Variants in KCNIP4 observed in about 807,000 individuals in gnomAD.
The protein encoded by KCNIP4 is Kv channel-interacting protein 4.
Under a neutral mutation model 34.0 loss-of-function variants are expected in KCNIP4, and 12 were observed. The observed-to-expected ratio is 0.35, with a 90% CI of 0.23 to 0.57. KCNIP4 has a LOEUF of 0.57. Among genes scored for constraint, KCNIP4 ranks in the 20% least tolerant of loss-of-function variants. The pLI is 0.83. For synonymous variants in KCNIP4, 124 were observed against 102.2 expected, an observed-to-expected ratio of 1.21 and a Z score of -1.29; for missense variants, 238 against 311.7, an observed-to-expected ratio of 0.76 and a Z score of 1.78.
chr4:20,800,574 G>A (rs965526702), intron 3 of KCNIP4, among the ~76,000 whole-genome samples: 6 of 152,098 alleles, frequency 3.9e-5, no homozygotes, highest in Non-Finnish European at 7.4e-5. Flanking sequence ...ATTCAACAGA[G>A]AGATATAATA....
chr4:21,178,815 CTTT>C (rs10611485), intron 1 of KCNIP4, among the ~76,000 whole-genome samples: 9 of 136,760 alleles, frequency 6.6e-5, no homozygotes, highest in Non-Finnish European at 7.8e-5. Flanking sequence ...TAACACCAAA[CTTT>C]TTTTTTTTTT....
At position 20,854,407 on chromosome 4, in the gene KCNIP4, G is replaced by A. The variant is rs189643944; in HGVS notation, c.164-3740C>T. 3.5e-4 allele frequency among the ~76,000 whole-genome samples: 53 copies of A among 152,266 alleles called. 2 individuals are homozygous for A. The highest frequency in any genetic ancestry group is 2.7e-3 in the Admixed American group (41 of 15,282). On this transcript the variant is annotated intron_variant, in intron 2 of 8. Coordinates refer to ENST00000382152, the MANE Select transcript of KCNIP4 (RefSeq NM_025221.6). ...ACTCAAGAATGGAAAACCAAACCTC[G>A]TGTGTTCTCACTGATTTGTGTGAGC...
rs1294063045 is a variant in KCNIP4, at chr4:21,821,221, T to G, written c.61+127350A>C. On this transcript the variant is annotated intron_variant, in intron 1 of 8. Transcript: ENST00000382152. ...TAACCTGACCTGCAGGCAATTGTCT[T>G]GTATGTCTTGACCCACCCATGAAGC... Among the ~76,000 whole-genome samples the G allele has an allele frequency of 3.3e-5, 5 of 152,250 alleles. No homozygotes were observed. In the East Asian group the frequency reaches 5.8e-4, roughly 18 times the overall value.
At chr4:21,340,241 A>T (rs1716618238) in intron 1 of KCNIP4, among the ~76,000 whole-genome samples, 2 of 117,202 alleles carry the variant, frequency 1.7e-5, no homozygotes, top group Non-Finnish European at 3.5e-5. Context: ...TGATCTCCTA[A>T]AGCTTTCCAA....
At chr4:21,504,426 C>T (rs1733631266) in intron 1 of KCNIP4, among the ~76,000 whole-genome samples, 1 of 138,612 alleles carries the variant, frequency 7.2e-6, no homozygotes, top group Non-Finnish European at 1.5e-5. Context: ...GGAGATCATG[C>T]CACTGCACTC....
chr4:21,633,280 T>A (rs1264792701), intron 1 of KCNIP4, among the ~76,000 whole-genome samples: 2 of 152,292 alleles, frequency 1.3e-5, no homozygotes, highest in East Asian at 3.9e-4. Flanking sequence ...CCCAATTTTT[T>A]TTTGTTTCTT....
At chr4:21,923,120 C>T (rs769827330) in intron 1 of KCNIP4, among the ~76,000 whole-genome samples, 1 of 152,180 alleles carries the variant, frequency 6.6e-6, no homozygotes, top group Admixed American at 6.5e-5. Flanking sequence ...TTCCACTGCA[C>T]CCTCTGTCAT....
chr4:21,550,607 A>G (rs1380815), intron 1 of KCNIP4, among the ~76,000 whole-genome samples: 8,649 of 152,066 alleles, frequency 0.057, 495 homozygotes, highest in Admixed American at 0.16. Context: ...TCGGTCCCTG[A>G]TTCTTGTCCA....
intron 1 of KCNIP4, among the ~76,000 whole-genome samples, chr4:21,548,566 A>C (rs1738318942): frequency 7.4e-6 from 1 of 135,326 alleles, no homozygotes; most frequent in Non-Finnish European, 1.6e-5. Context: ...TGTTCTATTC[A>C]CTCTGAAGTC....
intron 1 of KCNIP4, among the ~76,000 whole-genome samples, chr4:21,295,888 T>C (rs1763811971): frequency 6.6e-6 from 1 of 151,936 alleles, no homozygotes; most frequent in Non-Finnish European, 1.5e-5. Flanking sequence ...TAGGACAACA[T>C]ATGGACCACA....
In KCNIP4 at chr4:21,652,095, C is replaced by A. The variant is rs116938343; in HGVS notation, c.61+296476G>T. On this transcript the variant is annotated intron_variant, in intron 1 of 8. Transcript: ENST00000382152. The stretch of plus-strand genomic sequence containing the variant: ...TAACACTTCTATATTTATTTATTTG[C>A]TCATCCATCTAATCTTCTGGATGGT... 1.3e-3 allele frequency among the ~76,000 whole-genome samples: 197 copies of A among 152,236 alleles called. 5 individuals are homozygous for A. The East Asian group carries it at 0.037, about 28-fold the overall frequency.
At chr4:20,794,825 A>G (rs1423827040) in intron 3 of KCNIP4, among the ~76,000 whole-genome samples, 1 of 152,226 alleles carries the variant, frequency 6.6e-6, no homozygotes, top group Non-Finnish European at 1.5e-5. Flanking sequence ...CTAACAACAC[A>G]ACACTGACCT....
At chr4:21,760,351 A>C (rs913417742) in intron 1 of KCNIP4, among the ~76,000 whole-genome samples, 2 of 152,156 alleles carry the variant, frequency 1.3e-5, no homozygotes, top group Non-Finnish European at 2.9e-5. Context: ...CAAGAAAATG[A>C]GGGAAAACGC....
At chr4:21,408,980 T>C (rs1305688531) in intron 1 of KCNIP4, among the ~76,000 whole-genome samples, 1 of 152,218 alleles carries the variant, frequency 6.6e-6, no homozygotes, top group African/African-American at 2.4e-5. Flanking sequence ...CATATTGCTA[T>C]TGGGCACTTT....
chr4:21,603,095 C>T (rs1479521476), intron 1 of KCNIP4, among the ~76,000 whole-genome samples: 3 of 152,130 alleles, frequency 2.0e-5, no homozygotes, highest in Non-Finnish European at 4.4e-5. Context: ...GATTATTTCT[C>T]TCTTCTGTTG....
intron 1 of KCNIP4, among the ~76,000 whole-genome samples, chr4:21,271,890 G>T (rs1183999397): frequency 6.6e-6 from 1 of 152,194 alleles, no homozygotes; most frequent in Non-Finnish European, 1.5e-5. Context: ...TTAGGATAGG[G>T]CAAGGCAGAG....
intron 1 of KCNIP4, among the ~76,000 whole-genome samples, chr4:21,205,697 A>C (rs2108964745): frequency 6.6e-6 from 1 of 152,298 alleles, no homozygotes; most frequent in South Asian, 2.1e-4. Context: ...TCCATTTTAT[A>C]GTTGAAGAAA....
chr4:21,775,023 C>G (rs56784003), intron 1 of KCNIP4, among the ~76,000 whole-genome samples: 22,420 of 151,850 alleles, frequency 0.15, 5,558 homozygotes, highest in African/African-American at 0.51. Context: ...AGGAGAGGAG[C>G]CATTTTGTCC....
chr4:21,303,394 G>T (rs1230123199), intron 1 of KCNIP4, among the ~76,000 whole-genome samples: 2 of 152,050 alleles, frequency 1.3e-5, no homozygotes, highest in Non-Finnish European at 2.9e-5. Flanking sequence ...ATTTCCATTT[G>T]ATCAATGTAT....
Sources: gnomAD v4.1 joint callset for allele counts (sites outside exome capture counted in the v4.1 genomes callset) on GRCh38, gnomAD v4.1.1 for gene constraint, MANE v1.5 for transcripts, NCBI Gene and HGNC (gene_info 2026-07-23, HGNC 2026-07-21) for gene names.